RSAD1: variants seen among roughly 807,000 people sequenced by gnomAD.
The protein encoded by RSAD1 is radical S-adenosyl methionine domain-containing protein 1, mitochondrial.
A neutral mutation model predicts 46.2 loss-of-function variants in RSAD1; 34 were observed. That is an observed-to-expected ratio of 0.74 (90% CI 0.56 to 0.98). The LOEUF (loss-of-function observed/expected upper bound fraction) is 0.98. RSAD1 is among the 50% of genes least tolerant of loss of function. RSAD1 has a pLI of 0.00. For synonymous variants in RSAD1, 260 were observed against 253.5 expected, an observed-to-expected ratio of 1.03 and a Z score of -0.24; for missense variants, 635 against 592.3, an observed-to-expected ratio of 1.07 and a Z score of -0.75.
At chr17:50,480,486 A>C (rs760559953) in intron 3 of RSAD1, 7 of 205,412 alleles carry the variant, frequency 3.4e-5, no homozygotes, top group Non-Finnish European at 7.1e-5. Context: ...AATCACTGAA[A>C]CTTCTCTGGA....
Position 50,480,056 on chromosome 17 carries a change from G to T in RSAD1, c.446G>T (p.Gly149Val), listed in dbSNP as rs775059536. Residue 149 changes from glycine (G) to valine (V), a missense_variant, in exon 3 of 9, where the codon GGG (glycine) becomes GTG (valine). Gly to Val is a moderately radical substitution (Grantham distance 109). Coordinates refer to ENST00000258955, the MANE Select transcript of RSAD1 (RefSeq NM_018346.3). The part of the protein sequence containing the change: ...GSRLAEFGAA[G>V]VNRLSIGLQS... ...AGACTGGCAGAGTTCGGGGCAGCAG[G>T]GGTTAACAGGTTGTCTATAGGCCTC... 1 of 1,613,960 alleles carries T rather than the reference G, an allele frequency of 6.2e-7. No individual in the cohort carries two copies.
At chr17:50,480,454 T>C (rs1421546349) in intron 3 of RSAD1, 2 of 246,250 alleles carry the variant, frequency 8.1e-6, no homozygotes, top group African/African-American at 2.2e-5. Context: ...GAGTACAGCC[T>C]GAAGGGAGGT....
At chr17:50,482,606 C>T in intron 4 of RSAD1, 37 bp from the exon 5 acceptor site, 1 of 1,613,470 alleles carries the variant, frequency 6.2e-7, no homozygotes, top group Non-Finnish European at 8.5e-7. Flanking sequence ...ATGAGGCCTG[C>T]CCTCTTCACT....
At chr17:50,480,274 G>A in intron 3 of RSAD1, 190 bp downstream of exon 3, 2 of 622,994 alleles carry the variant, frequency 3.2e-6, no homozygotes, top group Admixed American at 2.8e-5. Flanking sequence ...GACTTTATGA[G>A]AAAGGGATCA....
intron 1 of RSAD1, 29 bp downstream of exon 1, chr17:50,479,048 G>A: frequency 7.6e-7 from 1 of 1,316,050 alleles, no homozygotes; most frequent in East Asian, 3.1e-5. Context: ...GGAGCCCACG[G>A]TGTGTGGCCG....
chr17:50,480,335 G>A, intron 3 of RSAD1: 1 of 524,038 alleles, frequency 1.9e-6, no homozygotes, highest in Non-Finnish European at 3.5e-6. Context: ...GCACATAGTA[G>A]GTGGTCAAAA....
rs781504377 is a variant in RSAD1 at position 50,480,038 on chromosome 17, C to A, written c.428C>A (p.Ala143Glu). The change falls in exon 3 of 9, where the codon GCA becomes GAA. Residue 143 changes from alanine to glutamate, a missense_variant. By Grantham distance (107) the Ala-to-Glu change is moderately radical. Transcript: ENST00000258955. ...ACTTCAGCTCCGGGCTCCAGACTGG[C>A]AGAGTTCGGGGCAGCAGGGGTTAAC... ...NPTSAPGSRL[A>E]EFGAAGVNRL... 6.2e-7 allele frequency: 1 copy of A among 1,614,168 alleles called. No homozygotes were observed. Among genetic ancestry groups the A allele is most frequent in the Non-Finnish European group, 8.5e-7 (1 of 1,180,038 alleles).
chr17:50,484,944 C>A lies in RSAD1; in HGVS notation c.*83C>A. On this transcript the variant is annotated 3_prime_UTR_variant, in exon 9 of 9. Transcript: ENST00000258955. ...ACTGCAGACATCTCTTCTCCGTTGT[C>A]GGGTGCCGTCTCTGCTCCTTGTGGT... 1.8e-6 allele frequency: 2 copies of A among 1,103,402 alleles called. No homozygotes were observed. The highest frequency in any genetic ancestry group is 1.3e-5 in the South Asian group (1 of 74,476). The allele number at this position is 1,103,402 out of a possible 1,614,324, so 68.4% of individuals were successfully genotyped here. A position where few individuals can be genotyped will look rare whatever the true frequency, so the allele number is the denominator to read the frequency against.
intron 4 of RSAD1, 26 bp downstream of exon 4, chr17:50,482,482 G>A (rs1161127067): frequency 1.2e-6 from 2 of 1,600,268 alleles, no homozygotes; most frequent in Admixed American, 3.4e-5. Flanking sequence ...GATGGCTGGA[G>A]GTGGAGGATG....
chr17:50,480,200 C>A, intron 3 of RSAD1, 116 bp downstream of exon 3: 2 of 1,013,400 alleles, frequency 2.0e-6, no homozygotes, highest in Non-Finnish European at 1.5e-6. Context: ...GTGCCAGGGA[C>A]ACAGTAGGGC....
At chr17:50,483,839 A>C (rs1392604052) in intron 7 of RSAD1, 79 bp downstream of exon 7, 87 of 1,239,910 alleles carry the variant, frequency 7.0e-5, no homozygotes, top group Admixed American at 2.3e-4. Context: ...CACCCCCCCC[A>C]CACACATATA....
rs990902932 is a variant in RSAD1, at chr17:50,483,392, T to G, written c.957T>G (p.Ala319=). The G allele has an allele frequency of 8.7e-6, 14 of 1,613,806 alleles. No homozygotes were observed. In the African/African-American group the frequency reaches 1.1e-4, roughly 12 times the overall value. ...PQGAGGHTRE[A]RIQTLEPDNW... ...GGGCTGGAGGCCACACCCGGGAGGCTCGGATCCAGACACTGGAGCCTGACA... is the reference window on the plus strand; with the variant it reads ...GGGCTGGAGGCCACACCCGGGAGGCGCGGATCCAGACACTGGAGCCTGACA... Residue 319 remains alanine (A), a synonymous_variant, in exon 6 of 9, where the codon GCT becomes GCG. Coordinates refer to ENST00000258955, the MANE Select transcript of RSAD1 (RefSeq NM_018346.3).
At chr17:50,479,170 G>T in intron 1 of RSAD1, 151 bp downstream of exon 1, 1 of 848,716 alleles carries the variant, frequency 1.2e-6, no homozygotes, top group Non-Finnish European at 1.6e-6. Context: ...GGGACCCTGT[G>T]CTTTGGCAGG....
Position 50,478,968 on chromosome 17 carries a change from A to G in RSAD1, c.84A>G (p.Gly28=), listed in dbSNP as rs1418777714. The G allele has an allele frequency of 1.4e-6, 2 of 1,400,512 alleles. No individual in the cohort carries two copies. The highest frequency in any genetic ancestry group is 1.8e-6 in the Non-Finnish European group (2 of 1,083,236). The allele number at this position is 1,400,512 out of a possible 1,614,324, so 86.8% of individuals were successfully genotyped here. ...GGCGCCGCCGCGTGGAGAACGCAGGAGGGTCCCCGAGTCCTGAGCCTGCGG... is the reference window on the plus strand; with the variant it reads ...GGCGCCGCCGCGTGGAGAACGCAGGGGGGTCCCCGAGTCCTGAGCCTGCGG... The part of the protein sequence containing the change: ...AQRRRRVENA[G]GSPSPEPAGR... Residue 28 remains glycine, a synonymous_variant, in exon 1 of 9, where the codon GGA becomes GGG. Transcript: ENST00000258955.
Position 50,478,899 on chromosome 17 carries a change from A to C in RSAD1, c.15A>C (p.Gly5=). Reference sequence around the variant, plus strand: ...CGCTGGGCGCCATGGCGCTCCCCGGAGCCCGGGCTCGCGGCTGGGCGGCAG... The same window carrying C: ...CGCTGGGCGCCATGGCGCTCCCCGGCGCCCGGGCTCGCGGCTGGGCGGCAG... MALP[G]ARARGWAAAA... Residue 5 remains glycine (G), a synonymous_variant, in exon 1 of 9, where the codon GGA becomes GGC. Coordinates refer to ENST00000258955, the MANE Select transcript of RSAD1 (RefSeq NM_018346.3). 1 of 1,313,732 alleles carries C rather than the reference A, an allele frequency of 7.6e-7. No individual in the cohort carries two copies. 81.4% of individuals were successfully genotyped at this position (1,313,732 alleles called of 1,614,324 possible). A position where few individuals can be genotyped will look rare whatever the true frequency, so the allele number is the denominator to read the frequency against.
chr17:50,478,951 C>A lies in RSAD1; in HGVS notation c.67C>A (p.Arg23Ser). The change falls in exon 1 of 9, where the codon CGC becomes AGC. Residue 23 changes from arginine (R) to serine (S), a missense_variant. Physicochemically the swap from Arg to Ser is moderately radical, Grantham distance 110. Coordinates refer to ENST00000258955, the MANE Select transcript of RSAD1 (RefSeq NM_018346.3). Reference sequence around the variant, plus strand: ...AGCCAGAGCGGCCCAGAGGCGCCGCCGCGTGGAGAACGCAGGAGGGTCCCC... The same window carrying A: ...AGCCAGAGCGGCCCAGAGGCGCCGCAGCGTGGAGAACGCAGGAGGGTCCCC... Reference protein sequence around the residue: ...AAARAAQRRRRVENAGGSPSP... With the variant: ...AAARAAQRRRSVENAGGSPSP... 7.2e-7 allele frequency: 1 copy of A among 1,391,832 alleles called. No homozygotes were observed. The highest frequency in any genetic ancestry group is 9.3e-7 in the Non-Finnish European group (1 of 1,078,732). The allele number at this position is 1,391,832 out of a possible 1,614,324, so 86.2% of individuals were successfully genotyped here. A position where few individuals can be genotyped will look rare whatever the true frequency, so the allele number is the denominator to read the frequency against.
chr17:50,481,786 C>T (rs1434642785), intron 3 of RSAD1, among the ~76,000 whole-genome samples: 2 of 152,122 alleles, frequency 1.3e-5, no homozygotes, highest in Admixed American at 6.5e-5. Flanking sequence ...AATTCCAGGT[C>T]GAACTTTGCA....
intron 1 of RSAD1, 192 bp from the exon 2 acceptor site, chr17:50,479,437 C>A: frequency 1.6e-6 from 1 of 622,424 alleles, no homozygotes. Flanking sequence ...GAGTGAGCCT[C>A]AGTTTTCTCA....
chr17:50,482,360 T>C lies in RSAD1; in HGVS notation c.744T>C (p.Pro248=), dbSNP rs752649074. The C allele has an allele frequency of 1.1e-5, 18 of 1,611,424 alleles. No homozygotes were observed. In the Admixed American group the frequency reaches 1.5e-4, roughly 13 times the overall value. ...AQVQRGALPA[P]DPELAAEMYQ... is the part of the protein sequence containing the mutation. The stretch of plus-strand genomic sequence containing the variant: ...TGCAGCGGGGTGCCCTTCCAGCCCC[T>C]GACCCGGAGCTCGCAGCTGAGATGT... The change falls in exon 4 of 9, where the codon CCT becomes CCC. Residue 248 remains proline (P), a synonymous_variant. Coordinates refer to ENST00000258955, the MANE Select transcript of RSAD1 (RefSeq NM_018346.3).
Sources: allele counts gnomAD v4.1 joint callset (sites outside exome capture counted in the v4.1 genomes callset), GRCh38; gene constraint gnomAD v4.1.1; transcripts MANE v1.5; gene names NCBI Gene and HGNC (gene_info 2026-07-23, HGNC 2026-07-21).